Variants in CHKA observed in about 807,000 individuals in gnomAD.
CHKA encodes choline kinase alpha.
A neutral mutation model predicts 60.1 loss-of-function variants in CHKA; 34 were observed. That is an observed-to-expected ratio of 0.57 (90% confidence interval 0.43 to 0.75). The LOEUF is 0.75. Among genes scored for constraint, CHKA ranks in the 30% least tolerant of loss-of-function variants. The pLI is 0.00. For missense variants in CHKA, 563 were observed against 561.3 expected, an observed-to-expected ratio of 1.00 and a Z score of -0.03; for synonymous variants, 217 against 223.1, an observed-to-expected ratio of 0.97 and a Z score of 0.24.
In CHKA at chr11:68,066,469, G is replaced by A. The variant is rs151320545; in HGVS notation, c.976C>T (p.Leu326=). The A allele has an allele frequency of 1.1e-5, 17 of 1,614,002 alleles. No homozygotes were observed. The highest frequency in any genetic ancestry group is 1.6e-4 in the Middle Eastern group (1 of 6,084). ...CTGTATTCGAAATCAATGAGCATCAGTTTCTGTTTTTCAGAATTCTCTCGG... is the reference window on the plus strand; with the variant it reads ...CTGTATTCGAAATCAATGAGCATCAATTTCTGTTTTTCAGAATTCTCTCGG... ...EGRENSEKQK[L]MLIDFEYSSY... is the part of the protein sequence containing the mutation. Residue 326 remains leucine (L), a synonymous_variant, in exon 8 of 12, where the codon CTG becomes TTG. Transcript: ENST00000265689.
At chr11:68,115,060 T>C (rs1056350910) in intron 1 of CHKA, among the ~76,000 whole-genome samples, 5 of 152,210 alleles carry the variant, frequency 3.3e-5, no homozygotes, top group Non-Finnish European at 5.9e-5. Flanking sequence ...ATACAACCAT[T>C]TTATTTTTCA....
At chr11:68,096,379 C>T (rs1410137228) in intron 2 of CHKA, among the ~76,000 whole-genome samples, 2 of 151,936 alleles carry the variant, frequency 1.3e-5, no homozygotes, top group Non-Finnish European at 2.9e-5. Flanking sequence ...TATATATCAA[C>T]CTAATATTTC....
chr11:68,114,676 G>T (rs1460352641), intron 1 of CHKA, among the ~76,000 whole-genome samples: 1 of 149,542 alleles, frequency 6.7e-6, no homozygotes, highest in Non-Finnish European at 1.5e-5. Flanking sequence ...CAGCCTCGGC[G>T]ACAGAGCGAG....
chr11:68,093,970 C>G (rs1180600990), intron 2 of CHKA, among the ~76,000 whole-genome samples: 1 of 152,198 alleles, frequency 6.6e-6, no homozygotes, highest in African/African-American at 2.4e-5. Context: ...CAGAACCCTC[C>G]ATTACTCCCA....
chr11:68,115,910 G>A (rs770531804), intron 1 of CHKA, among the ~76,000 whole-genome samples: 6 of 152,080 alleles, frequency 3.9e-5, no homozygotes, highest in Non-Finnish European at 7.4e-5. Flanking sequence ...AAAAGCAAAC[G>A]TTTAAAATGA....
intron 1 of CHKA, among the ~76,000 whole-genome samples, chr11:68,105,017 T>A (rs1857860555): frequency 6.6e-6 from 1 of 151,638 alleles, no homozygotes; most frequent in Non-Finnish European, 1.5e-5. Context: ...GGCAGGAGAA[T>A]CGCTTGAACC....
intron 2 of CHKA, among the ~76,000 whole-genome samples, chr11:68,091,541 C>G (rs915745431): frequency 2.4e-4 from 36 of 152,300 alleles, no homozygotes; most frequent in Non-Finnish European, 4.3e-4. Context: ...AGGATACAGT[C>G]AGGAAGTTTG....
At chr11:68,091,339 C>A (rs1047404773) in intron 2 of CHKA, among the ~76,000 whole-genome samples, 4 of 152,078 alleles carry the variant, frequency 2.6e-5, no homozygotes, top group Admixed American at 2.0e-4. Context: ...GTAAAACAGA[C>A]GCTAAATTAT....
intron 11 of CHKA, among the ~76,000 whole-genome samples, chr11:68,056,127 T>C (rs1267442811): frequency 6.6e-6 from 1 of 152,258 alleles, no homozygotes; most frequent in Non-Finnish European, 1.5e-5. Context: ...ATGAGTCCTT[T>C]ATTAAATATA....
intron 1 of CHKA, among the ~76,000 whole-genome samples, chr11:68,104,781 G>A (rs1227738089): frequency 6.6e-6 from 1 of 151,960 alleles, no homozygotes; most frequent in African/African-American, 2.4e-5. Flanking sequence ...CATTGCCTCA[G>A]CACTTACATC....
intron 1 of CHKA, among the ~76,000 whole-genome samples, chr11:68,115,768 G>A (rs1355993942): frequency 6.6e-6 from 1 of 152,028 alleles, no homozygotes; most frequent in African/African-American, 2.4e-5. Context: ...AGCCACCCAA[G>A]GAACAAAACT....
chr11:68,084,321 TATATACAC>T (rs1857091619), intron 2 of CHKA, among the ~76,000 whole-genome samples: 2 of 142,102 alleles, frequency 1.4e-5, no homozygotes, highest in African/African-American at 5.1e-5. Context: ...CATGTGTATA[TATATACAC>T]ATATACGTAT....
At chr11:68,064,954 C>T (rs1176147608) in intron 9 of CHKA, among the ~76,000 whole-genome samples, 3 of 152,308 alleles carry the variant, frequency 2.0e-5, no homozygotes, top group Middle Eastern at 3.4e-3. Flanking sequence ...TCCTACTCAG[C>T]TTCAGCACCG....
At chr11:68,105,439 C>T (rs1384828641) in intron 1 of CHKA, among the ~76,000 whole-genome samples, 2 of 140,704 alleles carry the variant, frequency 1.4e-5, no homozygotes, top group South Asian at 2.2e-4. Flanking sequence ...CGCTTAAACA[C>T]GGGAGGAGGA....
chr11:68,056,924 G>C (rs988753183), intron 11 of CHKA, among the ~76,000 whole-genome samples: 1 of 152,130 alleles, frequency 6.6e-6, no homozygotes, highest in Non-Finnish European at 1.5e-5. Flanking sequence ...AATTGAACCC[G>C]AGGGGAACGT....
rs1203308489 is a variant in CHKA, at chr11:68,080,351, C to CT, written c.516+1052dup. Reference sequence around the variant, plus strand: ...TTAATGTCTATTTCTTGATTTTTTTCTTTTTTTTTTGCATTTGGTGGGGAC... The same window carrying CT: ...TTAATGTCTATTTCTTGATTTTTTTCTTTTTTTTTTTGCATTTGGTGGGGAC... On this transcript the variant is annotated intron_variant, in intron 3 of 11. Coordinates refer to ENST00000265689, the MANE Select transcript of CHKA (RefSeq NM_001277.3). Among the ~76,000 whole-genome samples the CT allele has an allele frequency of 7.2e-3, 1,061 of 148,184 alleles. 12 individuals are homozygous for CT. The highest frequency in any genetic ancestry group is 0.023 in the African/African-American group (933 of 40,468).
At chr11:68,086,769 C>T (rs930906728) in intron 2 of CHKA, among the ~76,000 whole-genome samples, 2 of 152,176 alleles carry the variant, frequency 1.3e-5, no homozygotes, top group African/African-American at 2.4e-5. Context: ...GGGCGGATCA[C>T]GAGGTCAGGG....
At chr11:68,062,129 T>G in intron 10 of CHKA, 95 bp from the exon 11 acceptor site, 1 of 881,662 alleles carries the variant, frequency 1.1e-6, no homozygotes, top group Non-Finnish European at 1.8e-6. Context: ...TTTTAACTTG[T>G]GTGGATGCAA....
chr11:68,063,373 G>T (rs557357038), intron 10 of CHKA, among the ~76,000 whole-genome samples: 1 of 152,150 alleles, frequency 6.6e-6, no homozygotes. Context: ...GGTGGTACGT[G>T]CCTGTAGTCC....
Sources: allele counts gnomAD v4.1 joint callset (sites outside exome capture counted in the v4.1 genomes callset), GRCh38; gene constraint gnomAD v4.1.1; transcripts MANE v1.5; gene names NCBI Gene and HGNC (gene_info 2026-07-23, HGNC 2026-07-21).